The following DMD variants were observed in gnomAD, a reference collection of about 807,000 sequenced individuals.
DMD encodes the protein mutant dystrophin.
A neutral mutation model predicts 330.1 loss-of-function variants in DMD; 63 were observed. The ratio of observed to expected loss-of-function variants is 0.19; its 90% CI spans 0.16 to 0.24. The LOEUF (loss-of-function observed/expected upper bound fraction) is 0.24, where lower values mean the gene tolerates loss of function less well. DMD is among the 10% of genes least tolerant of loss of function. The pLI is 1.00. For missense variants in DMD, 3,344 were observed against 2,684.1 expected (o/e 1.25, Z -5.43); for synonymous variants, 1,223 against 959.8 (o/e 1.27, Z -5.07).
At position 32,273,417 on chromosome X, in the gene DMD, C is replaced by CA. The variant is rs200118314; in HGVS notation, c.6290+14111dup. Among the ~76,000 whole-genome samples the CA allele has an allele frequency of 4.4e-3, 464 of 104,756 alleles. 2 individuals are homozygous for CA. Among genetic ancestry groups the CA allele is most frequent in the African/African-American group, 0.014 (418 of 28,841 alleles). The allele number at this position is 104,756 out of a possible 115,157, so 91.0% of individuals were successfully genotyped here. A position where few individuals can be genotyped will look rare whatever the true frequency, so the allele number is the denominator to read the frequency against. ...GACCAGCCCCAGCAACACTCTCACT[C>CA]AAAAAAAAATAAATAAGTAAAAGAA... is the stretch of plus-strand genomic sequence containing the variant. On this transcript the variant is annotated intron_variant, in intron 43 of 78. Transcript: ENST00000357033.
rs1170760390 is a variant in DMD, at chrX:32,628,258, A to ATTTTT, written c.1332-13810_1332-13806dup. Among the ~76,000 whole-genome samples, 87 of 15,352 alleles carry ATTTTT rather than the reference A, an allele frequency of 5.7e-3. 22 individuals are homozygous for ATTTTT. Among genetic ancestry groups the ATTTTT allele is most frequent in the East Asian group, 8.9e-3 (4 of 451 alleles). 13.3% of individuals were successfully genotyped at this position (15,352 alleles called of 115,157 possible). On this transcript the variant is annotated intron_variant, in intron 11 of 78. Transcript: ENST00000357033. ...TATCTCCATGAGTTCAGTTGTTTTA[A>ATTTTT]TTTTTTTTTTTTTTTTTTTTTTTTT...
intron 25 of DMD, among the ~76,000 whole-genome samples, chrX:32,460,735 C>A (rs750598867): frequency 9.0e-6 from 1 of 111,321 alleles, no homozygotes; most frequent in Non-Finnish European, 1.9e-5. Context: ...GCTTTAATTT[C>A]GCCTCTTCAG....
At chrX:32,361,076 A>G (rs1245703422) in intron 37 of DMD, among the ~76,000 whole-genome samples, 2 of 110,744 alleles carry the variant, frequency 1.8e-5, no homozygotes, top group Admixed American at 9.9e-5. Context: ...AACACAATTT[A>G]TCCAAAGATA....
chrX:33,172,003 G>A (rs1192223184), intron 1 of DMD, among the ~76,000 whole-genome samples: 2 of 110,592 alleles, frequency 1.8e-5, no homozygotes, highest in African/African-American at 3.3e-5. Context: ...GCATCTTGAC[G>A]CAAACAAAAA....
intron 41 of DMD, among the ~76,000 whole-genome samples, chrX:32,327,589 A>G (rs2097657694): frequency 1.8e-5 from 2 of 111,806 alleles, no homozygotes; most frequent in African/African-American, 3.2e-5. Flanking sequence ...ATTCTTTTTT[A>G]AAAGTTTTGT....
chrX:31,180,573 T>G (rs991356077), intron 68 of DMD, 92 bp from the exon 69 acceptor site: 56 of 648,180 alleles, frequency 8.6e-5, no homozygotes, highest in Non-Finnish European at 1.3e-4. Context: ...CGTTCTAATT[T>G]GAGAAACAGA....
chrX:32,838,368 G>GT (rs1174381299), intron 4 of DMD, among the ~76,000 whole-genome samples: 1 of 110,878 alleles, frequency 9.0e-6, no homozygotes, highest in Non-Finnish European at 1.9e-5. Context: ...CCTACATTAG[G>GT]TATTTCTCCT....
rs1220703749 is a variant in DMD, at chrX:32,264,383, A to G, written c.6290+23146T>C. Among the ~76,000 whole-genome samples the G allele has an allele frequency of 7.1e-5, 8 of 111,916 alleles. No homozygotes were observed. In the Admixed American group the frequency reaches 7.6e-4, roughly 11 times the overall value. The stretch of plus-strand genomic sequence containing the variant: ...AGGTAGTTCTTTATAGCAGCATGAG[A>G]ACAGACTAATACAGTAAATTGGTAC... On this transcript the variant is annotated intron_variant, in intron 43 of 78. Transcript: ENST00000357033.
In DMD at chrX:32,614,292, G is replaced by C; in HGVS notation, c.1482+11C>G. 8.3e-7 allele frequency: 1 copy of C among 1,207,448 alleles called. No homozygotes were observed. ...TTCTAGTAGAAAGCACGCAACATAA[G>C]ATACACCTACCTTATGTTGTTGTAC... is the stretch of plus-strand genomic sequence containing the variant. On this transcript the variant is annotated intron_variant, in intron 12 of 78. Coordinates refer to ENST00000357033, the MANE Select transcript of DMD (RefSeq NM_004006.3).
Position 32,677,809 on chromosome X carries a change from T to G in DMD, c.960+20061A>C, listed in dbSNP as rs149454276. Among the ~76,000 whole-genome samples, 91 of 111,782 alleles carry G rather than the reference T, an allele frequency of 8.1e-4. 1 individual carries two copies. The East Asian group carries it at 0.024, about 30-fold the overall frequency. ...TCTCAAAGAGCTATTAGCACTCCAG[T>G]GCTCATTATAGCACGATTAAAAATA... On this transcript the variant is annotated intron_variant, in intron 9 of 78. Transcript: ENST00000357033.
Position 32,018,678 on chromosome X carries a change from G to T in DMD, c.6439-50164C>A, listed in dbSNP as rs570143474. The stretch of plus-strand genomic sequence containing the variant: ...ATTTATTTCGGCATATATAGTTCCA[G>T]AGCTATGTAATTACGCCTGTTTCAT... On this transcript the variant is annotated intron_variant, in intron 44 of 78. Coordinates refer to ENST00000357033, the MANE Select transcript of DMD (RefSeq NM_004006.3). Among the ~76,000 whole-genome samples the T allele has an allele frequency of 2.7e-5, 3 of 111,607 alleles. No homozygotes were observed. In the South Asian group the frequency reaches 1.1e-3, roughly 42 times the overall value.
chrX:31,988,990 C>A (rs193249214), intron 44 of DMD, among the ~76,000 whole-genome samples: 9 of 112,096 alleles, frequency 8.0e-5, no homozygotes, highest in Non-Finnish European at 1.9e-5. Context: ...GAACTGGAGG[C>A]TTAAGACTCA....
chrX:31,914,148 G>T, intron 47 of DMD, among the ~76,000 whole-genome samples: 1 of 111,959 alleles, frequency 8.9e-6, no homozygotes, highest in Non-Finnish European at 1.9e-5. Context: ...GGTGGGTATG[G>T]GGGTGTGGAG....
intron 19 of DMD, among the ~76,000 whole-genome samples, chrX:32,501,292 G>T (rs1214195930): frequency 8.9e-6 from 1 of 111,837 alleles, no homozygotes; most frequent in East Asian, 2.8e-4. Context: ...GTGATAAAAA[G>T]TAACACAGAA....
At chrX:33,221,607 A>C (rs2052179746) in intron 1 of DMD, among the ~76,000 whole-genome samples, 1 of 111,274 alleles carries the variant, frequency 9.0e-6, no homozygotes, top group Admixed American at 9.6e-5. Context: ...ACGGTCAATA[A>C]AATTGACAAT....
intron 41 of DMD, among the ~76,000 whole-genome samples, chrX:32,341,056 CT>C (rs2097739259): frequency 9.0e-6 from 1 of 111,724 alleles, no homozygotes; most frequent in African/African-American, 3.3e-5. Context: ...ATGGTAACTG[CT>C]TTTGACATTT....
At chrX:32,995,104 C>T (rs576880400) in intron 2 of DMD, among the ~76,000 whole-genome samples, 48 of 111,962 alleles carry the variant, frequency 4.3e-4, no homozygotes, top group African/African-American at 1.5e-3. Context: ...GATCTTGTCT[C>T]AAAAACCAAA....
At chrX:31,753,736 A>G (rs2088807713) in intron 51 of DMD, among the ~76,000 whole-genome samples, 1 of 111,888 alleles carries the variant, frequency 8.9e-6, no homozygotes, top group Non-Finnish European at 1.9e-5. Flanking sequence ...AAATCACCAT[A>G]TTTTCCAAAG....
intron 44 of DMD, among the ~76,000 whole-genome samples, chrX:32,148,651 A>G (rs947405681): frequency 1.8e-5 from 2 of 111,261 alleles, no homozygotes; most frequent in Admixed American, 1.9e-4. Flanking sequence ...TCTGCTTTAC[A>G]CTGGCAGGCC....
Sources: allele counts gnomAD v4.1 joint callset (sites outside exome capture counted in the v4.1 genomes callset), GRCh38; gene constraint gnomAD v4.1.1; transcripts MANE v1.5; gene names NCBI Gene and HGNC (gene_info 2026-07-23, HGNC 2026-07-21).